Variants in RP1 observed in about 807,000 individuals in gnomAD.
RP1 encodes the protein oxygen-regulated protein 1.
In RP1, 16 loss-of-function variants were observed where a neutral mutation model predicts 14.8. The ratio of observed to expected loss-of-function variants is 1.08; its 90% confidence interval spans 0.73 to 1.65. The LOEUF (loss-of-function observed/expected upper bound fraction) is 1.65, where lower values mean the gene tolerates loss of function less well. Ranked by LOEUF, RP1 falls within the 40% of genes most tolerant of loss-of-function variation. The pLI is 0.00. For synonymous variants in RP1, 876 were observed against 883.6 expected (o/e 0.99, Z 0.15); for missense variants, 2,631 against 2,535.0 (o/e 1.04, Z -0.81).
At chr8:54,650,441 T>C (rs1806633709) in intron 4 of RP1, among the ~76,000 whole-genome samples, 1 of 152,166 alleles carries the variant, frequency 6.6e-6, no homozygotes, top group East Asian at 1.9e-4. Context: ...TATGGTAAAA[T>C]ACACAAAAGT....
Position 54,787,631 on chromosome 8 carries a change from A to G in RP1, c.3615+3921A>G, listed in dbSNP as rs544308159. ...TAAATAGTATTCTCCGTTGCTGGGA[A>G]AAAGTTAGTGCTTATGCCGTTCACT... On this transcript the variant is annotated intron_variant, in intron 24 of 28. Coordinates refer to the RP1 transcript ENST00000637698. 7.9e-5 allele frequency among the ~76,000 whole-genome samples: 12 copies of G among 152,298 alleles called. No individual in the cohort carries two copies. The South Asian group carries it at 1.0e-3, about 13-fold the overall frequency.
downstream of RP1, among the ~76,000 whole-genome samples, chr8:54,773,021 T>A (rs1244168119): frequency 6.6e-6 from 1 of 152,186 alleles, no homozygotes; most frequent in Non-Finnish European, 1.5e-5. Context: ...TACTACCACT[T>A]ATTTGGAGCC....
intron 1 of RP1, chr8:54,560,986 CA>C (rs369972897): frequency 6.7e-6 from 1 of 149,800 alleles, no homozygotes; most frequent in Non-Finnish European, 1.5e-5. Flanking sequence ...TTTGCAGGCT[CA>C]GGGGGTGTGA....
intron 16 of RP1, among the ~76,000 whole-genome samples, chr8:54,724,401 C>T (rs1233717576): frequency 2.0e-5 from 3 of 152,048 alleles, no homozygotes; most frequent in African/African-American, 4.8e-5. Context: ...TCTGGTAGAT[C>T]TTGATATAGC....
At chr8:54,726,869 A>G (rs1448898182) in intron 17 of RP1, among the ~76,000 whole-genome samples, 1 of 152,090 alleles carries the variant, frequency 6.6e-6, no homozygotes, top group African/African-American at 2.4e-5. Flanking sequence ...GAAGCTTAAA[A>G]AAAAGTGCTC....
intron 6 of RP1, among the ~76,000 whole-genome samples, chr8:54,658,884 G>GTTTTTT (rs34788930): frequency 6.9e-6 from 1 of 145,644 alleles, no homozygotes; most frequent in Non-Finnish European, 1.5e-5. Context: ...CCCAACACTT[G>GTTTTTT]TTTTTTTTTT....
intron 17 of RP1, among the ~76,000 whole-genome samples, chr8:54,726,786 A>G (rs1416371330): frequency 6.6e-6 from 1 of 152,120 alleles, no homozygotes; most frequent in African/African-American, 2.4e-5. Flanking sequence ...AATATATTTT[A>G]TGAAAAACAG....
chr8:54,644,813 T>C (rs1372552182), intron 3 of RP1, among the ~76,000 whole-genome samples: 1 of 152,174 alleles, frequency 6.6e-6, no homozygotes, highest in African/African-American at 2.4e-5. Context: ...GCAGAATTGG[T>C]TCCTTTGAGT....
rs1413004612 is a variant in RP1 at position 54,630,255 on chromosome 8, CT to C, written c.6376del (p.Cys2126ValfsTer17). 2 of 1,613,576 alleles carry C rather than the reference CT, an allele frequency of 1.2e-6. No individual in the cohort carries two copies. The highest frequency in any genetic ancestry group is 1.7e-6 in the Non-Finnish European group (2 of 1,179,850). ...TATTAGCAACAGAAATATTTTAGAA[CT>C]TTGTATGTTTGAGGGTGAAAATCTT... ...LNISNRNILE[L>X]CMFEGENLFI... On this transcript the variant is annotated frameshift_variant, in exon 4 of 4. Coordinates refer to ENST00000220676, the MANE Select transcript of RP1 (RefSeq NM_006269.2). LOFTEE classifies it low-confidence loss of function (END_TRUNC).
intron 17 of RP1, among the ~76,000 whole-genome samples, chr8:54,733,003 G>C (rs1267933899): frequency 6.6e-6 from 1 of 152,134 alleles, no homozygotes; most frequent in Non-Finnish European, 1.5e-5. Flanking sequence ...GGAGTAGTAT[G>C]AGGGTTGAGT....
intron 8 of RP1, among the ~76,000 whole-genome samples, chr8:54,674,702 G>T (rs1173547188): frequency 6.6e-6 from 1 of 150,730 alleles, no homozygotes; most frequent in East Asian, 1.9e-4. Flanking sequence ...GAGGTTACAA[G>T]AAACTAAAAA....
downstream of RP1, among the ~76,000 whole-genome samples, chr8:54,633,839 GT>G (rs1806298939): frequency 6.6e-6 from 1 of 151,300 alleles, no homozygotes; most frequent in African/African-American, 2.4e-5. Context: ...CCCCTGCTCT[GT>G]GCCAAATATT....
chr8:54,601,598 G>GAAAAAAAAAAAAAAAAA, intron 1 of RP1, among the ~76,000 whole-genome samples: 1 of 93,674 alleles, frequency 1.1e-5, no homozygotes. Flanking sequence ...AAAAAACTTA[G>GAAAAAAAAAAAAAAAAA]AAAAAAAAAA....
rs1385220093 is a variant in RP1, at chr8:54,568,572, A to G, written c.-13+9252A>G. On this transcript the variant is annotated intron_variant, in intron 1 of 22. Coordinates refer to the RP1 transcript ENST00000636932. ...GTGGGACTTGGGAGACAGAATGCTG[A>G]CATAAGTACTTCTTCAGCTGACACC... 2.0e-5 allele frequency among the ~76,000 whole-genome samples: 3 copies of G among 152,220 alleles called. No homozygotes were observed. In the East Asian group the frequency reaches 5.8e-4, roughly 29 times the overall value.
intron 3 of RP1, among the ~76,000 whole-genome samples, chr8:54,642,767 G>A (rs1400400073): frequency 6.6e-6 from 1 of 152,098 alleles, no homozygotes; most frequent in Admixed American, 6.5e-5. Flanking sequence ...TATGTGCATT[G>A]TAAAATTTCA....
At chr8:54,685,707 T>C (rs1807547451) in intron 12 of RP1, among the ~76,000 whole-genome samples, 2 of 152,148 alleles carry the variant, frequency 1.3e-5, no homozygotes, top group Admixed American at 6.6e-5. Flanking sequence ...TTAGTGTTAG[T>C]GTATTTCATG....
intron 23 of RP1, among the ~76,000 whole-genome samples, chr8:54,776,821 G>A (rs574980503): frequency 6.6e-6 from 1 of 152,314 alleles, no homozygotes. Context: ...TCTCCTCCCT[G>A]TTAAGGGTCA....
intron 26 of RP1, among the ~76,000 whole-genome samples, chr8:54,855,370 G>A (rs149532232): frequency 1.4e-4 from 21 of 152,292 alleles, no homozygotes; most frequent in African/African-American, 4.6e-4. Context: ...CATTTACCCC[G>A]TGATGGACAC....
chr8:54,717,820 A>G (rs1808441619), intron 15 of RP1, among the ~76,000 whole-genome samples: 1 of 152,160 alleles, frequency 6.6e-6, no homozygotes, highest in African/African-American at 2.4e-5. Context: ...CACAGATGAT[A>G]TTAGTCTTTA....
Sources: allele counts gnomAD v4.1 joint callset (sites outside exome capture counted in the v4.1 genomes callset), GRCh38; gene constraint gnomAD v4.1.1; transcripts MANE v1.5; gene names NCBI Gene and HGNC (gene_info 2026-07-23, HGNC 2026-07-21).